The following AGFG1 variants were observed in gnomAD, a reference collection of about 807,000 sequenced individuals.
AGFG1 encodes the protein ArfGAP with FG repeats 1, also known as arf-GAP domain and FG repeat-containing protein 1.
A neutral mutation model predicts 60.6 loss-of-function variants in AGFG1; 10 were observed. The ratio of observed to expected loss-of-function variants is 0.16; its 90% CI spans 0.10 to 0.28. The LOEUF is 0.28. Among genes scored for constraint, AGFG1 ranks in the 10% least tolerant of loss-of-function variants. The pLI is 1.00. For missense variants in AGFG1, 537 were observed against 676.5 expected (o/e 0.79, Z 2.29); for synonymous variants, 247 against 242.9 (o/e 1.02, Z -0.16).
chr2:227,524,732 A>G, intron 4 of AGFG1, 30 bp from the exon 5 acceptor site: 1 of 1,608,152 alleles, frequency 6.2e-7, no homozygotes, highest in Non-Finnish European at 8.5e-7. Context: ...TCCGACTGGA[A>G]TATCTTTATA....
chr2:227,532,927 C>G (rs1008021244), intron 6 of AGFG1, among the ~76,000 whole-genome samples: 2 of 152,096 alleles, frequency 1.3e-5, no homozygotes, highest in Non-Finnish European at 1.5e-5. Context: ...GTATTATGTA[C>G]TGTAATTTTA....
At chr2:227,536,239 T>C (rs962407040) in intron 8 of AGFG1, among the ~76,000 whole-genome samples, 1 of 151,094 alleles carries the variant, frequency 6.6e-6, no homozygotes, top group African/African-American at 2.4e-5. Context: ...TTCTTGTTGT[T>C]CAACTCACAC....
intron 10 of AGFG1, among the ~76,000 whole-genome samples, chr2:227,547,972 C>T (rs746941510): frequency 2.0e-5 from 3 of 152,148 alleles, no homozygotes; most frequent in African/African-American, 2.4e-5. Flanking sequence ...AACCAAATGT[C>T]GAATAGTCAT....
At chr2:227,525,173 T>A (rs1691954466) in intron 5 of AGFG1, among the ~76,000 whole-genome samples, 2 of 152,224 alleles carry the variant, frequency 1.3e-5, no homozygotes, top group Non-Finnish European at 2.9e-5. Flanking sequence ...TTTTATTCTT[T>A]ATGAAATTGA....
At chr2:227,513,088 T>A (rs1050814697) in intron 2 of AGFG1, among the ~76,000 whole-genome samples, 5 of 152,228 alleles carry the variant, frequency 3.3e-5, no homozygotes, top group Admixed American at 2.0e-4. Flanking sequence ...TCAACAAGTT[T>A]CCACTCCAAT....
chr2:227,504,870 G>A (rs928308900), intron 2 of AGFG1, among the ~76,000 whole-genome samples: 1 of 152,280 alleles, frequency 6.6e-6, no homozygotes, highest in Non-Finnish European at 1.5e-5. Flanking sequence ...CTTGGTGAGT[G>A]TACAGTGTGT....
At position 227,533,604 on chromosome 2, in the gene AGFG1, A is replaced by AT. The variant is rs751402471; in HGVS notation, c.871dup (p.Ser291PhefsTer5). 6.2e-7 allele frequency: 1 copy of AT among 1,613,822 alleles called. No individual in the cohort carries two copies. The highest frequency in any genetic ancestry group is 8.5e-7 in the Non-Finnish European group (1 of 1,179,800). ...TTGCTCATTTTGATAACTTCCCCAA[A>AT]TCCTCCAGTGCTGATTTTGGAACCT... is the stretch of plus-strand genomic sequence containing the variant. On this transcript the variant is annotated frameshift_variant, in exon 7 of 13. Transcript: ENST00000310078. LOFTEE classifies it high-confidence loss of function.
At chr2:227,552,192 C>A (rs1339671781) in intron 11 of AGFG1, 75 bp downstream of exon 11, 5 of 1,536,828 alleles carry the variant, frequency 3.3e-6, no homozygotes, top group Non-Finnish European at 4.4e-6. Context: ...TGTGCTTGGG[C>A]AGGAAGACTT....
At position 227,472,300 on chromosome 2, in the gene AGFG1, C is replaced by A; in HGVS notation, c.-122C>A. On this transcript the variant is annotated 5_prime_UTR_variant, in exon 1 of 13. Coordinates refer to ENST00000310078, the MANE Select transcript of AGFG1 (RefSeq NM_004504.5). Reference sequence around the variant, plus strand: ...CAAGCCGCTGCGGCCGGGTCCGGCGCGGGCGGCGCGCGCAGACGGAGGGCG... The same window carrying A: ...CAAGCCGCTGCGGCCGGGTCCGGCGAGGGCGGCGCGCGCAGACGGAGGGCG... 3.5e-6 allele frequency: 2 copies of A among 574,302 alleles called. No individual in the cohort carries two copies. The highest frequency in any genetic ancestry group is 2.2e-6 in the Non-Finnish European group (1 of 456,034). The allele number at this position is 574,302 out of a possible 1,614,324, so 35.6% of individuals were successfully genotyped here.
intron 5 of AGFG1, 60 bp downstream of exon 5, chr2:227,524,975 A>C (rs373914900): frequency 1.3e-6 from 2 of 1,578,340 alleles, no homozygotes; most frequent in South Asian, 1.1e-5. Context: ...AAGAAACATC[A>C]ATTCTTTATC....
chr2:227,521,853 A>G (rs1275503164), intron 3 of AGFG1, among the ~76,000 whole-genome samples: 1 of 152,234 alleles, frequency 6.6e-6, no homozygotes, highest in African/African-American at 2.4e-5. Context: ...AAATAATTAC[A>G]GTTTATGTTA....
chr2:227,542,295 G>T (rs1199554354), intron 10 of AGFG1, among the ~76,000 whole-genome samples: 1 of 152,144 alleles, frequency 6.6e-6, no homozygotes, highest in Non-Finnish European at 1.5e-5. Context: ...TTGGCTGTGG[G>T]TTCGTCATAA....
At chr2:227,496,573 A>C (rs1463442269) in intron 2 of AGFG1, among the ~76,000 whole-genome samples, 1 of 152,180 alleles carries the variant, frequency 6.6e-6, no homozygotes, top group Non-Finnish European at 1.5e-5. Context: ...ATAAAAGTAC[A>C]GTGGTCTTGT....
intron 5 of AGFG1, among the ~76,000 whole-genome samples, chr2:227,527,622 G>A (rs1268628699): frequency 1.3e-5 from 2 of 152,174 alleles, no homozygotes; most frequent in Non-Finnish European, 2.9e-5. Context: ...ATGCCAGTAA[G>A]CTGTGATGTT....
At chr2:227,489,021 G>A (rs1435667588) in intron 1 of AGFG1, among the ~76,000 whole-genome samples, 1 of 151,928 alleles carries the variant, frequency 6.6e-6, no homozygotes, top group Non-Finnish European at 1.5e-5. Flanking sequence ...CAACATGTTG[G>A]CCAGGCTGAT....
intron 3 of AGFG1, 98 bp from the exon 4 acceptor site, chr2:227,523,665 G>A (rs1691890006): frequency 2.5e-6 from 3 of 1,212,454 alleles, no homozygotes; most frequent in Middle Eastern, 2.3e-4. Context: ...AAGATTAATG[G>A]TGAAACAATC....
At chr2:227,497,661 CATACGTCTTAATT>C (rs1056609275) in intron 2 of AGFG1, among the ~76,000 whole-genome samples, 11 of 150,412 alleles carry the variant, frequency 7.3e-5, no homozygotes, top group Admixed American at 2.6e-4. Context: ...CATAATCTTG[CATACGTCTTAATT>C]ATACCTAAAG....
chr2:227,505,826 C>T (rs1019966274), intron 2 of AGFG1, among the ~76,000 whole-genome samples: 7 of 152,172 alleles, frequency 4.6e-5, no homozygotes, highest in Admixed American at 1.3e-4. Context: ...GCAACCTCCG[C>T]CTCCCAGGTT....
At chr2:227,551,851 A>G (rs1692831064) in intron 10 of AGFG1, 108 bp from the exon 11 acceptor site, 1 of 1,337,230 alleles carries the variant, frequency 7.5e-7, no homozygotes, top group African/African-American at 1.5e-5. Context: ...CCTTTAATGT[A>G]CATCTTAGTA....
Sources: gnomAD v4.1 joint callset for allele counts (sites outside exome capture counted in the v4.1 genomes callset) on GRCh38, gnomAD v4.1.1 for gene constraint, MANE v1.5 for transcripts, NCBI Gene and HGNC (gene_info 2026-07-23, HGNC 2026-07-21) for gene names.